The following ESR1 variants were observed in gnomAD, a reference collection of about 807,000 sequenced individuals.
ESR1 encodes estrogen receptor 1.
ESR1 carries 12 observed loss-of-function variants against 52.7 expected under a neutral mutation model. That is an observed-to-expected ratio of 0.23 (90% CI 0.15 to 0.37). The LOEUF (loss-of-function observed/expected upper bound fraction) is 0.37. Ranked by LOEUF, ESR1 falls within the 10% of genes least tolerant of loss-of-function variation. ESR1 has a pLI of 1.00. For synonymous variants in ESR1, 305 were observed against 316.8 expected (o/e 0.96, Z 0.39); for missense variants, 584 against 779.7 (o/e 0.75, Z 2.99).
intron 6 of ESR1, among the ~76,000 whole-genome samples, chr6:152,123,435 C>G (rs1369757028): frequency 1.3e-5 from 2 of 152,208 alleles, no homozygotes; most frequent in Non-Finnish European, 2.9e-5. Flanking sequence ...CCCTTCTACA[C>G]TCAAAGTGAC....
At chr6:151,974,901 T>G (rs185031976) in intron 4 of ESR1, among the ~76,000 whole-genome samples, 1 of 152,338 alleles carries the variant, frequency 6.6e-6, no homozygotes, top group East Asian at 1.9e-4. Context: ...GTGTTTGATC[T>G]GTTGTTCCTG....
At position 151,955,728 on chromosome 6, in the gene ESR1, G is replaced by A. The variant is rs571152075; in HGVS notation, c.1096+11220G>A. 4.6e-5 allele frequency among the ~76,000 whole-genome samples: 7 copies of A among 152,246 alleles called. No homozygotes were observed. The South Asian group carries it at 1.0e-3, about 23-fold the overall frequency. Reference sequence around the variant, plus strand: ...TGCTAGGAACTGTTATTTAAAAAAAGTAACTTTTATTTTAGGTTCAGGGGT... The same window carrying A: ...TGCTAGGAACTGTTATTTAAAAAAAATAACTTTTATTTTAGGTTCAGGGGT... On this transcript the variant is annotated intron_variant, in intron 4 of 7. Coordinates refer to ENST00000206249, the MANE Select transcript of ESR1 (RefSeq NM_000125.4).
intron 3 of ESR1, among the ~76,000 whole-genome samples, chr6:151,908,284 A>C (rs767495823): frequency 1.2e-4 from 18 of 152,058 alleles, no homozygotes; most frequent in Non-Finnish European, 1.5e-4. Context: ...AGTGAGATTG[A>C]CTGGCTATCT....
At chr6:152,110,877 G>T (rs1443436143) in intron 6 of ESR1, among the ~76,000 whole-genome samples, 1 of 152,040 alleles carries the variant, frequency 6.6e-6, no homozygotes, top group Non-Finnish European at 1.5e-5. Context: ...GCAGCCGTTG[G>T]GTAGGGAAGC....
intron 3 of ESR1, among the ~76,000 whole-genome samples, chr6:151,938,734 C>G (rs1165678537): frequency 1.3e-5 from 2 of 152,148 alleles, no homozygotes; most frequent in Admixed American, 1.3e-4. Context: ...TAGAATCATT[C>G]AAATCCACAT....
intron 3 of ESR1, among the ~76,000 whole-genome samples, chr6:151,890,490 T>G (rs2128364095): frequency 6.6e-6 from 1 of 152,346 alleles, no homozygotes; most frequent in East Asian, 1.9e-4. Flanking sequence ...TGTATGTATC[T>G]GTTAAGTCCA....
chr6:152,008,256 G>GGAAC (rs1244224866), intron 4 of ESR1, among the ~76,000 whole-genome samples: 1 of 152,092 alleles, frequency 6.6e-6, no homozygotes, highest in Non-Finnish European at 1.5e-5. Context: ...CCCTGACCCA[G>GGAAC]GAACTTGCAG....
intron 1 of ESR1, among the ~76,000 whole-genome samples, chr6:151,679,281 C>T (rs948041812): frequency 4.6e-5 from 7 of 152,178 alleles, no homozygotes; most frequent in African/African-American, 7.2e-5. Flanking sequence ...AAGGATGCCA[C>T]GTGTCCCACA....
chr6:151,787,924 T>C (rs902816204), intron 2 of ESR1, among the ~76,000 whole-genome samples: 2 of 152,124 alleles, frequency 1.3e-5, no homozygotes, highest in Admixed American at 1.3e-4. Flanking sequence ...TTCTTGTAAC[T>C]GGACCCCTTC....
intron 2 of ESR1, among the ~76,000 whole-genome samples, chr6:151,788,499 T>C (rs1331394082): frequency 6.6e-6 from 1 of 152,198 alleles, no homozygotes; most frequent in East Asian, 1.9e-4. Context: ...TATATAATGT[T>C]GGTGGGAGTG....
intron 1 of ESR1, among the ~76,000 whole-genome samples, chr6:151,831,620 T>C (rs9479129): frequency 0.074 from 11,213 of 152,214 alleles, 726 homozygotes; most frequent in African/African-American, 0.17. Flanking sequence ...GCCTGGGTCC[T>C]TGACTCCCTG....
At chr6:151,754,456 T>C (rs1784132119) in intron 2 of ESR1, among the ~76,000 whole-genome samples, 1 of 152,218 alleles carries the variant, frequency 6.6e-6, no homozygotes, top group African/African-American at 2.4e-5. Flanking sequence ...TTTCTAATTA[T>C]TTAGCTAAAC....
At chr6:151,850,847 G>T (rs368660707) in intron 2 of ESR1, among the ~76,000 whole-genome samples, 8 of 152,074 alleles carry the variant, frequency 5.3e-5, no homozygotes, top group African/African-American at 1.9e-4. Flanking sequence ...ACTTACCATT[G>T]CTGAGTTAGC....
chr6:151,854,182 A>G (rs1017656581), intron 2 of ESR1, among the ~76,000 whole-genome samples: 2 of 152,224 alleles, frequency 1.3e-5, no homozygotes, highest in African/African-American at 2.4e-5. Context: ...TGTCAGCACT[A>G]TATAGGTTAT....
At chr6:151,731,704 A>G (rs1466415030) in intron 2 of ESR1, among the ~76,000 whole-genome samples, 2 of 152,184 alleles carry the variant, frequency 1.3e-5, no homozygotes, top group African/African-American at 2.4e-5. Flanking sequence ...TGTAATCACT[A>G]TGAGATTTGA....
In ESR1 at chr6:152,053,527, T is replaced by G. The variant is rs1411754315; in HGVS notation, c.1236-7464T>G. Among the ~76,000 whole-genome samples, 2 of 151,838 alleles carry G rather than the reference T, an allele frequency of 1.3e-5. No homozygotes were observed. The highest frequency in any genetic ancestry group is 4.8e-5 in the African/African-American group (2 of 41,344). On this transcript the variant is annotated intron_variant, in intron 5 of 7. Transcript: ENST00000206249. The surrounding 1 kb of genome is among the most constrained non-coding windows in gnomAD (Gnocchi z 4.1). ...CCCATTCTCTTTCTCTTTCTCTCAA[T>G]CTCTCTCTTCCTCTCTCTCTTATCC...
chr6:151,988,237 C>T (rs1418765738), intron 4 of ESR1, among the ~76,000 whole-genome samples: 3 of 152,072 alleles, frequency 2.0e-5, no homozygotes, highest in East Asian at 1.9e-4. Flanking sequence ...TGCAACTAGA[C>T]GGTCCCATCT....
intron 3 of ESR1, among the ~76,000 whole-genome samples, chr6:151,906,060 C>G (rs968947254): frequency 1.3e-5 from 2 of 151,972 alleles, no homozygotes; most frequent in Admixed American, 6.6e-5. Context: ...GCAACCTCGG[C>G]GTAAATGGGT....
chr6:151,974,791 T>C (rs1415201538), intron 4 of ESR1, among the ~76,000 whole-genome samples: 5 of 152,212 alleles, frequency 3.3e-5, no homozygotes, highest in African/African-American at 9.6e-5. Flanking sequence ...CTTGAAACTA[T>C]AACAGGTTTT....
Sources: allele counts gnomAD v4.1 joint callset (sites outside exome capture counted in the v4.1 genomes callset), GRCh38; gene constraint gnomAD v4.1.1; non-coding constraint Gnocchi (gnomAD v3.1); transcripts MANE v1.5; gene names NCBI Gene and HGNC (gene_info 2026-07-23, HGNC 2026-07-21).